Variants in KIF26B observed in about 807,000 individuals in gnomAD.
KIF26B encodes kinesin family member 26B, also known as kinesin-like protein KIF26B.
KIF26B carries 63 observed loss-of-function variants against 151.2 expected under a neutral mutation model. The ratio of observed to expected loss-of-function variants is 0.42; its 90% CI spans 0.34 to 0.51. The LOEUF (loss-of-function observed/expected upper bound fraction) is 0.51, where lower values mean the gene tolerates loss of function less well. Ranked by LOEUF, KIF26B falls within the 20% of genes least tolerant of loss-of-function variation. The probability of loss-of-function intolerance (pLI) is 0.07; values close to 1 mark genes in which losing one functional copy is unlikely to be tolerated. For missense variants in KIF26B, 2,813 were observed against 2,913.6 expected (o/e 0.97, Z 0.79); for synonymous variants, 1,357 against 1,262.1 (o/e 1.08, Z -1.59).
At chr1:245,643,293 T>C (rs2043912828) in intron 9 of KIF26B, among the ~76,000 whole-genome samples, 1 of 152,202 alleles carries the variant, frequency 6.6e-6, no homozygotes, top group Non-Finnish European at 1.5e-5. Flanking sequence ...TCTCTCTCTC[T>C]CTTTTTTGCT....
At chr1:245,635,005 C>T (rs944738159) in intron 9 of KIF26B, among the ~76,000 whole-genome samples, 12 of 151,906 alleles carry the variant, frequency 7.9e-5, no homozygotes, top group Admixed American at 2.6e-4. Flanking sequence ...CCATGCCTAG[C>T]CCTAGATACA....
intron 2 of KIF26B, among the ~76,000 whole-genome samples, chr1:245,245,570 C>G (rs551862010): frequency 6.6e-6 from 1 of 152,140 alleles, no homozygotes; most frequent in African/African-American, 2.4e-5. Context: ...GTAGGCAGAT[C>G]ACCTGAAGTC....
In KIF26B at chr1:245,312,743, A is replaced by G. The variant is rs976202618; in HGVS notation, c.466-54091A>G. 2.0e-5 allele frequency among the ~76,000 whole-genome samples: 3 copies of G among 152,236 alleles called. No individual in the cohort carries two copies. In the South Asian group the frequency reaches 6.2e-4, roughly 31 times the overall value. On this transcript the variant is annotated intron_variant, in intron 2 of 14. Coordinates refer to ENST00000407071, the MANE Select transcript of KIF26B (RefSeq NM_018012.4). ...GGTTGCAGAGTCAGTTCTAGAGCCC[A>G]GTTCTTTTTGGAAACTGGATCAATG...
At chr1:245,178,340 C>A (rs1020201769) in intron 2 of KIF26B, among the ~76,000 whole-genome samples, 1 of 152,074 alleles carries the variant, frequency 6.6e-6, no homozygotes. Context: ...GGAGCGGTGT[C>A]TTTTGGGCTT....
chr1:245,230,885 A>G (rs191252189), intron 2 of KIF26B, among the ~76,000 whole-genome samples: 2 of 152,176 alleles, frequency 1.3e-5, no homozygotes, highest in African/African-American at 2.4e-5. Context: ...TAAAGAAATG[A>G]AAGAAAACCT....
intron 2 of KIF26B, among the ~76,000 whole-genome samples, chr1:245,229,120 C>T (rs1049777762): frequency 3.3e-5 from 5 of 152,024 alleles, no homozygotes; most frequent in South Asian, 4.1e-4. Context: ...GCACGTGCCA[C>T]GATATCTGGC....
chr1:245,175,212 T>C (rs1489693790), intron 2 of KIF26B, among the ~76,000 whole-genome samples: 1 of 151,940 alleles, frequency 6.6e-6, no homozygotes, highest in African/African-American at 2.4e-5. Flanking sequence ...GACCCAGAGG[T>C]GAAAGGCTAC....
rs1312464636 is a variant in KIF26B at position 245,612,052 on chromosome 1, CTTTG to C, written c.2098+78_2098+81del. On this transcript the variant is annotated intron_variant, in intron 9 of 14. Transcript: ENST00000407071. Reference sequence around the variant, plus strand: ...CAGAAATCCCTTGGGCAACCATGACCTTTGTGTGTGTGTGTGTGTGTGTGTGTGT... The same window carrying C: ...CAGAAATCCCTTGGGCAACCATGACCTGTGTGTGTGTGTGTGTGTGTGTGT... 8 of 1,031,876 alleles carry C rather than the reference CTTTG, an allele frequency of 7.8e-6. No homozygotes were observed. The African/African-American group carries it at 1.1e-4, about 14-fold the overall frequency. 63.9% of individuals were successfully genotyped at this position (1,031,876 alleles called of 1,614,324 possible). A position where few individuals can be genotyped will look rare whatever the true frequency, so the allele number is the denominator to read the frequency against.
intron 2 of KIF26B, among the ~76,000 whole-genome samples, chr1:245,329,566 G>A (rs901934817): frequency 8.5e-5 from 13 of 152,224 alleles, no homozygotes; most frequent in African/African-American, 2.4e-4. Context: ...GACCCCTCCC[G>A]TCCTGCTTCT....
chr1:245,541,026 G>A, intron 5 of KIF26B, 76 bp downstream of exon 5: 1 of 1,192,066 alleles, frequency 8.4e-7, no homozygotes. Context: ...AAGAAAATGA[G>A]GCCTCCAATG....
intron 3 of KIF26B, among the ~76,000 whole-genome samples, chr1:245,399,373 G>A (rs1020775096): frequency 6.6e-6 from 1 of 152,098 alleles, no homozygotes; most frequent in Non-Finnish European, 1.5e-5. Context: ...GAAGGGATGG[G>A]GGTGAGAAAT....
intron 10 of KIF26B, among the ~76,000 whole-genome samples, chr1:245,683,877 C>T (rs937986416): frequency 2.0e-5 from 3 of 152,250 alleles, no homozygotes; most frequent in Non-Finnish European, 2.9e-5. Flanking sequence ...GTCAGCAAGC[C>T]GAGTCACCAG....
At chr1:245,533,818 TC>T (rs1661432341) in intron 4 of KIF26B, among the ~76,000 whole-genome samples, 1 of 151,744 alleles carries the variant, frequency 6.6e-6, no homozygotes, top group African/African-American at 2.4e-5. Flanking sequence ...AAAATCAAGT[TC>T]CCCCTCTAAT....
At chr1:245,356,058 G>A (rs1672688647) in intron 2 of KIF26B, among the ~76,000 whole-genome samples, 1 of 152,126 alleles carries the variant, frequency 6.6e-6, no homozygotes, top group African/African-American at 2.4e-5. Context: ...GTCTGAGAGG[G>A]GACCTGGAAA....
Position 245,511,371 on chromosome 1 carries a change from C to T in KIF26B, c.1167-29396C>T, listed in dbSNP as rs576163871. Among the ~76,000 whole-genome samples the T allele has an allele frequency of 3.3e-5, 5 of 152,222 alleles. No individual in the cohort carries two copies. In the East Asian group the frequency reaches 5.8e-4, roughly 18 times the overall value. ...CGACATAGAAGCTACAAACATCCTCCGGAGGATGGGAATGAAATGGGTAAT... is the reference window on the plus strand; with the variant it reads ...CGACATAGAAGCTACAAACATCCTCTGGAGGATGGGAATGAAATGGGTAAT... On this transcript the variant is annotated intron_variant, in intron 4 of 14. Transcript: ENST00000407071.
chr1:245,693,649 G>A (rs1344185291), intron 12 of KIF26B, among the ~76,000 whole-genome samples: 1 of 152,176 alleles, frequency 6.6e-6, no homozygotes, highest in East Asian at 1.9e-4. Context: ...TGCACCTGTA[G>A]TGAATTGAGC....
chr1:245,478,822 G>A (rs1183764178), intron 4 of KIF26B, among the ~76,000 whole-genome samples: 1 of 151,784 alleles, frequency 6.6e-6, no homozygotes, highest in African/African-American at 2.4e-5. Flanking sequence ...GCAGCGACGT[G>A]GGTGAGAGTG....
chr1:245,543,481 G>A (rs992023980), intron 5 of KIF26B, among the ~76,000 whole-genome samples: 4 of 49,628 alleles, frequency 8.1e-5, no homozygotes, highest in African/African-American at 2.5e-4. Flanking sequence ...AGACTGTGTC[G>A]AGGAGCGGGG....
chr1:245,702,593 C>A lies in KIF26B; in HGVS notation c.6314C>A (p.Ser2105Tyr). ...ATGATCACCTGCTTCGACATCACCT[C>A]CAGGCGCCGGTAGATGAGCCAGACC... Reference protein sequence around the residue: ...LMMITCFDITSRRR With the variant: ...LMMITCFDITYRRR Residue 2105 changes from serine to tyrosine, a missense_variant, in exon 15 of 15, where the codon TCC (serine) becomes TAC (tyrosine). Physicochemically the swap from Ser to Tyr is moderately radical, Grantham distance 144 (BLOSUM62 -2). This residue lies in a region of KIF26B where 2,060 missense variants were observed against 2,088.6 expected (regional missense o/e 0.99). Coordinates refer to ENST00000407071, the MANE Select transcript of KIF26B (RefSeq NM_018012.4). This position sits in a 1 kb window ranked among gnomAD's most constrained non-coding sequence, Gnocchi z 4.1. 1 of 1,613,886 alleles carries A rather than the reference C, an allele frequency of 6.2e-7. No individual in the cohort carries two copies. Among genetic ancestry groups the A allele is most frequent in the Non-Finnish European group, 8.5e-7 (1 of 1,179,836 alleles).
Sources: allele counts gnomAD v4.1 joint callset (sites outside exome capture counted in the v4.1 genomes callset), GRCh38; gene constraint gnomAD v4.1.1; regional missense constraint gnomAD v4.1.1; non-coding constraint Gnocchi (gnomAD v3.1); transcripts MANE v1.5; gene names NCBI Gene and HGNC (gene_info 2026-07-23, HGNC 2026-07-21).